NKAIN2: variants seen among roughly 807,000 people sequenced by gnomAD.
NKAIN2 encodes the protein sodium/potassium transporting ATPase interacting 2.
In NKAIN2, 14 loss-of-function variants were observed where a neutral mutation model predicts 32.6. That is an observed-to-expected ratio of 0.43 (90% CI 0.28 to 0.67). The LOEUF is 0.67. NKAIN2 is among the 30% of genes least tolerant of loss of function. NKAIN2 has a pLI of 0.17. For synonymous variants in NKAIN2, 80 were observed against 87.2 expected (o/e 0.92, Z 0.46); for missense variants, 198 against 258.3 (o/e 0.77, Z 1.60).
intron 3 of NKAIN2, among the ~76,000 whole-genome samples, chr6:124,523,958 G>C (rs1779217153): frequency 6.6e-6 from 1 of 152,170 alleles, no homozygotes; most frequent in Non-Finnish European, 1.5e-5. Flanking sequence ...ATCAGTAGGG[G>C]ATAAGTGAGT....
chr6:124,150,452 C>A (rs1241544187), intron 1 of NKAIN2, among the ~76,000 whole-genome samples: 2 of 152,018 alleles, frequency 1.3e-5, no homozygotes, highest in Admixed American at 6.6e-5. Context: ...TTTTATTTTA[C>A]AAACATTTCT....
intron 4 of NKAIN2, among the ~76,000 whole-genome samples, chr6:124,729,860 G>A (rs1268057582): frequency 2.6e-5 from 4 of 151,686 alleles, no homozygotes; most frequent in Admixed American, 1.3e-4. Flanking sequence ...CTTCAGCAAA[G>A]TCTTAGGATA....
intron 4 of NKAIN2, among the ~76,000 whole-genome samples, chr6:124,757,677 A>G (rs1778029375): frequency 6.6e-6 from 1 of 152,182 alleles, no homozygotes; most frequent in Non-Finnish European, 1.5e-5. Flanking sequence ...TAGTCATTAA[A>G]AGATAATTGT....
chr6:124,014,093 C>G (rs1001615785), intron 1 of NKAIN2, among the ~76,000 whole-genome samples: 6 of 152,046 alleles, frequency 3.9e-5, no homozygotes, highest in Non-Finnish European at 8.8e-5. Flanking sequence ...TATACGTATC[C>G]CCCTTTAAAT....
At chr6:124,222,451 G>T (rs375740626) in intron 1 of NKAIN2, among the ~76,000 whole-genome samples, 12 of 152,190 alleles carry the variant, frequency 7.9e-5, no homozygotes, top group African/African-American at 2.9e-4. Flanking sequence ...TGGGAGCATT[G>T]GTAGGTTGGA....
intron 3 of NKAIN2, among the ~76,000 whole-genome samples, chr6:124,434,331 A>G (rs1305829194): frequency 6.6e-6 from 1 of 152,194 alleles, no homozygotes; most frequent in Non-Finnish European, 1.5e-5. Flanking sequence ...ATTTTTTAAA[A>G]AAGACACACT....
intron 1 of NKAIN2, among the ~76,000 whole-genome samples, chr6:124,209,797 C>T (rs1309050787): frequency 6.6e-6 from 1 of 151,378 alleles, no homozygotes. Flanking sequence ...CTATTTTAAT[C>T]AGATTATTTT....
At chr6:124,528,571 A>G (rs1263940169) in intron 3 of NKAIN2, among the ~76,000 whole-genome samples, 1 of 152,222 alleles carries the variant, frequency 6.6e-6, no homozygotes, top group African/African-American at 2.4e-5. Context: ...TACCACATAT[A>G]GAGAAATATG....
chr6:124,194,801 C>G (rs1790234355), intron 1 of NKAIN2, among the ~76,000 whole-genome samples: 1 of 152,068 alleles, frequency 6.6e-6, no homozygotes, highest in Non-Finnish European at 1.5e-5. Context: ...ATAAGAACTA[C>G]TTTCAAATTT....
At chr6:124,161,891 A>G (rs980969209) in intron 1 of NKAIN2, among the ~76,000 whole-genome samples, 1 of 152,026 alleles carries the variant, frequency 6.6e-6, no homozygotes, top group Non-Finnish European at 1.5e-5. Flanking sequence ...CCTCAGCATC[A>G]CACCATATAC....
chr6:123,804,390 T>C, intron 1 of NKAIN2, 136 bp downstream of exon 1: 1 of 775,686 alleles, frequency 1.3e-6, no homozygotes, highest in South Asian at 1.5e-5. Context: ...TTGCCTATAT[T>C]GAAGATGATT....
At chr6:124,726,925 G>A in intron 4 of NKAIN2, among the ~76,000 whole-genome samples, 1 of 120,632 alleles carries the variant, frequency 8.3e-6, no homozygotes, top group East Asian at 2.8e-4. Context: ...AGCCTCAGGA[G>A]CTGATGCAAT....
At chr6:124,277,439 G>A (rs1397450045) in intron 1 of NKAIN2, among the ~76,000 whole-genome samples, 1 of 151,232 alleles carries the variant, frequency 6.6e-6, no homozygotes, top group Admixed American at 6.6e-5. Context: ...GTGTGTGTGT[G>A]TGTGTGTGTG....
At chr6:123,804,984 T>C (rs1773155298) in intron 1 of NKAIN2, among the ~76,000 whole-genome samples, 1 of 152,142 alleles carries the variant, frequency 6.6e-6, no homozygotes, top group Non-Finnish European at 1.5e-5. Context: ...TCTGATCCTA[T>C]AGGATGGAGA....
chr6:124,299,416 T>A (rs887314026), intron 2 of NKAIN2, among the ~76,000 whole-genome samples: 2 of 152,222 alleles, frequency 1.3e-5, no homozygotes, highest in African/African-American at 4.8e-5. Flanking sequence ...CACTGAGATA[T>A]ATTTTTCCTA....
rs1286392940 is a variant in NKAIN2 at position 123,911,810 on chromosome 6, TATACACACAC to T, written c.54+107558_54+107567del. Among the ~76,000 whole-genome samples the T allele has an allele frequency of 1.5e-4, 14 of 94,312 alleles. 1 individual carries two copies. Among genetic ancestry groups the T allele is most frequent in the African/African-American group, 2.8e-4 (5 of 17,734 alleles). 61.9% of individuals were successfully genotyped at this position (94,312 alleles called of 152,430 possible). A position where few individuals can be genotyped will look rare whatever the true frequency, so the allele number is the denominator to read the frequency against. On this transcript the variant is annotated intron_variant, in intron 1 of 6. Transcript: ENST00000368417. ...ATATATATATATATATGTATATATA[TATACACACAC>T]ACACACACACACACACACACACACA...
intron 1 of NKAIN2, among the ~76,000 whole-genome samples, chr6:124,226,671 G>A (rs1048424758): frequency 4.6e-5 from 7 of 151,474 alleles, no homozygotes; most frequent in African/African-American, 1.5e-4. Flanking sequence ...CTCTCTCTTT[G>A]ACAAAAAGTT....
chr6:123,960,768 A>G (rs1170725211), intron 1 of NKAIN2, among the ~76,000 whole-genome samples: 1 of 151,756 alleles, frequency 6.6e-6, no homozygotes, highest in Non-Finnish European at 1.5e-5. Context: ...CTCTTTCTGT[A>G]TGAACATGTC....
At chr6:123,871,225 A>G (rs530512478) in intron 1 of NKAIN2, among the ~76,000 whole-genome samples, 3 of 152,318 alleles carry the variant, frequency 2.0e-5, no homozygotes, top group East Asian at 1.9e-4. Flanking sequence ...TGTACCATAC[A>G]TATTTTTTGT....
Sources: gnomAD v4.1 joint callset for allele counts (sites outside exome capture counted in the v4.1 genomes callset) on GRCh38, gnomAD v4.1.1 for gene constraint, MANE v1.5 for transcripts, NCBI Gene and HGNC (gene_info 2026-07-23, HGNC 2026-07-21) for gene names.